The following WDFY4 variants were observed in gnomAD, a reference collection of about 807,000 sequenced individuals.
WDFY4 encodes WDFY family member 4, also known as WD repeat- and FYVE domain-containing protein 4.
WDFY4 carries 169 observed loss-of-function variants against 351.9 expected under a neutral mutation model. That is an observed-to-expected ratio of 0.48 (90% CI 0.42 to 0.55). WDFY4 has a LOEUF of 0.55. Among genes scored for constraint, WDFY4 ranks in the 20% least tolerant of loss-of-function variants. The probability of loss-of-function intolerance (pLI) is 0.00; values close to 1 mark genes in which losing one functional copy is unlikely to be tolerated. For missense variants in WDFY4, 3,803 were observed against 3,935.6 expected (o/e 0.97, Z 0.90); for synonymous variants, 1,622 against 1,574.6 (o/e 1.03, Z -0.71).
At position 48,817,247 on chromosome 10, in the gene WDFY4, C is replaced by A. The variant is rs1158934841; in HGVS notation, c.5343C>A (p.Pro1781=). ...ACCTCTCACCAAGTGTGCCTCAGCC[C>A]CTGGCAGGTTCTGAGGATGGTGCCT... is the stretch of plus-strand genomic sequence containing the variant. ...LEMLKATMSQ[P]LAGSEDGAWA... is the part of the protein sequence containing the mutation. The change falls in exon 32 of 62, where the codon CCC becomes CCA. Residue 1781 remains proline (P), a splice_region_variant and synonymous_variant. Coordinates refer to ENST00000325239, the MANE Select transcript of WDFY4 (RefSeq NM_001394531.1). 6.4e-7 allele frequency: 1 copy of A among 1,551,522 alleles called. No homozygotes were observed.
chr10:48,848,908 C>T (rs977833876), intron 39 of WDFY4, among the ~76,000 whole-genome samples: 4 of 152,350 alleles, frequency 2.6e-5, no homozygotes, highest in African/African-American at 9.6e-5. Context: ...AATCCCTCAT[C>T]CTCTTAGCCA....
chr10:48,800,336 G>A (rs1333022274), intron 24 of WDFY4, among the ~76,000 whole-genome samples: 7 of 152,214 alleles, frequency 4.6e-5, no homozygotes, highest in East Asian at 1.9e-4. Flanking sequence ...GTGGATCACA[G>A]GAGAAACGGT....
At chr10:48,854,172 C>T (rs1030026506) in intron 39 of WDFY4, among the ~76,000 whole-genome samples, 2 of 148,182 alleles carry the variant, frequency 1.3e-5, no homozygotes, top group Admixed American at 6.7e-5. Context: ...TACAGTGGTG[C>T]GATCTCAGCT....
Position 48,778,623 on chromosome 10 carries a change from C to A in WDFY4, c.3188C>A (p.Pro1063Gln), listed in dbSNP as rs369303732. 3 of 1,551,066 alleles carry A rather than the reference C, an allele frequency of 1.9e-6. No homozygotes were observed. Among genetic ancestry groups the A allele is most frequent in the Non-Finnish European group, 1.7e-6 (2 of 1,147,010 alleles). Residue 1063 changes from proline to glutamine, a missense_variant, in exon 18 of 62, where the codon CCG becomes CAG. Pro to Gln is a moderately conservative substitution (Grantham distance 76). Coordinates refer to ENST00000325239, the MANE Select transcript of WDFY4 (RefSeq NM_001394531.1). ...SGGIGTGATR[P>Q]FPPPGGLTFS... ...TGTTCCCACCCAGGTGCCACCAGAC[C>A]GTTCCCTCCTCCTGGAGGTCTGACC...
chr10:48,953,700 G>A (rs1175601968), intron 51 of WDFY4, among the ~76,000 whole-genome samples: 1 of 152,222 alleles, frequency 6.6e-6, no homozygotes, highest in Non-Finnish European at 1.5e-5. Context: ...GTGGCAGCAG[G>A]TTGATTTGGA....
intron 39 of WDFY4, among the ~76,000 whole-genome samples, chr10:48,833,489 G>T (rs2068269541): frequency 6.6e-6 from 1 of 152,118 alleles, no homozygotes. Flanking sequence ...TTATGACCTA[G>T]CTTCAGGAGC....
At chr10:48,828,053 G>A (rs1186185915) in intron 36 of WDFY4, among the ~76,000 whole-genome samples, 1 of 152,086 alleles carries the variant, frequency 6.6e-6, no homozygotes, top group Non-Finnish European at 1.5e-5. Flanking sequence ...TCAAACATGG[G>A]CATTCTCATA....
chr10:48,691,737 A>G (rs1378948971), intron 1 of WDFY4, among the ~76,000 whole-genome samples: 3 of 152,268 alleles, frequency 2.0e-5, no homozygotes, highest in South Asian at 2.1e-4. Flanking sequence ...TAAAAGGATA[A>G]GCACAAACTA....
At chr10:48,930,113 T>A (rs112345062) in intron 47 of WDFY4, among the ~76,000 whole-genome samples, 1 of 152,078 alleles carries the variant, frequency 6.6e-6, no homozygotes, top group East Asian at 1.9e-4. Flanking sequence ...TCAATACTAG[T>A]TTAATAGATA....
Position 48,731,916 on chromosome 10 carries a change from G to A in WDFY4, c.1582+354G>A, listed in dbSNP as rs371903924. ...GCCTGAGGTTTGGGGGCCCTCCTGG[G>A]GTCTGCTGGGATATGGCTTCCTAGC... On this transcript the variant is annotated intron_variant, in intron 9 of 61. Coordinates refer to ENST00000325239, the MANE Select transcript of WDFY4 (RefSeq NM_001394531.1). Among the ~76,000 whole-genome samples, 108 of 152,282 alleles carry A rather than the reference G, an allele frequency of 7.1e-4. 2 individuals are homozygous for A. In the East Asian group the frequency reaches 0.012, roughly 17 times the overall value.
chr10:48,773,382 C>G (rs1490564844), intron 13 of WDFY4, among the ~76,000 whole-genome samples: 1 of 152,198 alleles, frequency 6.6e-6, no homozygotes, highest in Non-Finnish European at 1.5e-5. Context: ...TATCCAGCAA[C>G]AAAAGAGAAT....
At chr10:48,788,359 G>A (rs534047525) in intron 20 of WDFY4, among the ~76,000 whole-genome samples, 171 bp from the exon 21 acceptor site, 1 of 152,222 alleles carries the variant, frequency 6.6e-6, no homozygotes, top group Non-Finnish European at 1.5e-5. Flanking sequence ...AGAGAAGAGG[G>A]GAAAACAAAT....
At chr10:48,838,138 G>A (rs1267198018) in intron 39 of WDFY4, among the ~76,000 whole-genome samples, 1 of 152,228 alleles carries the variant, frequency 6.6e-6, no homozygotes, top group African/African-American at 2.4e-5. Context: ...AGAAGCGTGA[G>A]GATGATCCGC....
intron 1 of WDFY4, among the ~76,000 whole-genome samples, chr10:48,696,294 T>C (rs1319455052): frequency 2.0e-5 from 3 of 152,146 alleles, no homozygotes. Context: ...CTTGAGGAGG[T>C]GCTGGCCATG....
At chr10:48,853,747 T>C (rs569706521) in intron 39 of WDFY4, among the ~76,000 whole-genome samples, 2 of 152,368 alleles carry the variant, frequency 1.3e-5, no homozygotes, top group African/African-American at 4.8e-5. Context: ...CACTGGGTCA[T>C]ACCAGTCCCC....
intron 27 of WDFY4, 141 bp downstream of exon 27, chr10:48,806,236 G>A (rs759592214): frequency 2.8e-6 from 2 of 725,648 alleles, no homozygotes; most frequent in South Asian, 1.6e-5. Context: ...GCCGTGGCCT[G>A]TGAGGCTGTC....
chr10:48,806,926 T>C (rs1218383480), intron 27 of WDFY4, among the ~76,000 whole-genome samples: 3 of 152,248 alleles, frequency 2.0e-5, no homozygotes, highest in African/African-American at 7.2e-5. Context: ...ACAAGGTAGA[T>C]ATAAAACAGT....
rs77495085 is a variant in WDFY4 at position 48,905,039 on chromosome 10, G to A, written c.7586+3176G>A. ...CCTGGAGCAATGCTGCATCAATCAT[G>A]ACACACATCACTTCACTGGGCTCCA... On this transcript the variant is annotated intron_variant, in intron 47 of 61. Coordinates refer to ENST00000325239, the MANE Select transcript of WDFY4 (RefSeq NM_001394531.1). 8.5e-4 allele frequency among the ~76,000 whole-genome samples: 129 copies of A among 152,302 alleles called. 2 individuals are homozygous for A. The East Asian group carries it at 0.023, about 27-fold the overall frequency.
At chr10:48,937,602 A>G (rs2133731585) in intron 47 of WDFY4, among the ~76,000 whole-genome samples, 1 of 152,362 alleles carries the variant, frequency 6.6e-6, no homozygotes, top group East Asian at 1.9e-4. Context: ...AAATTAGACA[A>G]TAGGCAAAAA....
Sources: gnomAD v4.1 joint callset for allele counts (sites outside exome capture counted in the v4.1 genomes callset) on GRCh38, gnomAD v4.1.1 for gene constraint, MANE v1.5 for transcripts, NCBI Gene and HGNC (gene_info 2026-07-23, HGNC 2026-07-21) for gene names.